Variants in CSMD3 observed in about 807,000 individuals in gnomAD.
CSMD3 encodes CUB and Sushi multiple domains 3.
In CSMD3, 177 loss-of-function variants were observed where a neutral mutation model predicts 435.2. The observed-to-expected ratio is 0.41, with a 90% CI of 0.36 to 0.46. The LOEUF (loss-of-function observed/expected upper bound fraction) is 0.46. Among genes scored for constraint, CSMD3 ranks in the 20% least tolerant of loss-of-function variants. The probability of loss-of-function intolerance (pLI) is 0.34; values close to 1 mark genes in which losing one functional copy is unlikely to be tolerated. For synonymous variants in CSMD3, 1,656 were observed against 1,520.5 expected (o/e 1.09, Z -2.07); for missense variants, 4,265 against 4,504.6 (o/e 0.95, Z 1.52).
At chr8:113,092,024 C>A (rs987728679) in intron 5 of CSMD3, among the ~76,000 whole-genome samples, 3 of 151,992 alleles carry the variant, frequency 2.0e-5, no homozygotes, top group Non-Finnish European at 4.4e-5. Context: ...CAATAAAGAT[C>A]ATACACTCTG....
chr8:112,763,577 T>C (rs1388672332), intron 13 of CSMD3, among the ~76,000 whole-genome samples: 6 of 147,672 alleles, frequency 4.1e-5, no homozygotes, highest in African/African-American at 1.5e-4. Context: ...ATCCAGATGC[T>C]AAAATAATGC....
intron 27 of CSMD3, among the ~76,000 whole-genome samples, chr8:112,525,477 A>G (rs914630814): frequency 1.3e-5 from 2 of 150,408 alleles, no homozygotes; most frequent in Non-Finnish European, 3.0e-5. Flanking sequence ...TCCCAGCACT[A>G]TGGTGGACCG....
chr8:112,478,447 AGGAAGTCATTG>A (rs1490600408), intron 31 of CSMD3, among the ~76,000 whole-genome samples: 2 of 152,208 alleles, frequency 1.3e-5, no homozygotes, highest in African/African-American at 4.8e-5. Flanking sequence ...GATGGAAATG[AGGAAGTCATTG>A]GGAATTGGAG....
At chr8:112,370,316 C>T (rs1828268539) in intron 38 of CSMD3, among the ~76,000 whole-genome samples, 1 of 152,122 alleles carries the variant, frequency 6.6e-6, no homozygotes, top group Non-Finnish European at 1.5e-5. Context: ...GTTTAATATT[C>T]ATGCACAGAG....
chr8:112,269,434 G>T (rs551843239), intron 59 of CSMD3, among the ~76,000 whole-genome samples: 35 of 152,258 alleles, frequency 2.3e-4, no homozygotes, highest in Non-Finnish European at 4.6e-4. Context: ...CCTTTTGGAC[G>T]CAGAAGTCCA....
chr8:112,486,856 C>T (rs938433608), intron 31 of CSMD3, among the ~76,000 whole-genome samples: 1 of 152,100 alleles, frequency 6.6e-6, no homozygotes, highest in Admixed American at 6.6e-5. Flanking sequence ...AGGGCAAGGA[C>T]AAGGTTGAAT....
intron 36 of CSMD3, among the ~76,000 whole-genome samples, chr8:112,385,614 T>C (rs1829870444): frequency 6.6e-6 from 1 of 152,080 alleles, no homozygotes; most frequent in South Asian, 2.1e-4. Context: ...TAAAAAACAA[T>C]GAGAGACTCA....
chr8:112,907,807 T>C (rs1277526553), intron 10 of CSMD3, among the ~76,000 whole-genome samples: 1 of 151,458 alleles, frequency 6.6e-6, no homozygotes, highest in South Asian at 2.1e-4. Flanking sequence ...CAATGAATTA[T>C]CTGCAGAATA....
chr8:112,934,485 C>A (rs2083215313), intron 9 of CSMD3, among the ~76,000 whole-genome samples: 1 of 152,096 alleles, frequency 6.6e-6, no homozygotes, highest in South Asian at 2.1e-4. Context: ...CAATATTATA[C>A]AACTATTAAT....
chr8:113,206,347 T>C (rs925654979), intron 3 of CSMD3, among the ~76,000 whole-genome samples: 1 of 152,208 alleles, frequency 6.6e-6, no homozygotes, highest in African/African-American at 2.4e-5. Flanking sequence ...TCCATTTAAT[T>C]TTCAATGTTT....
At chr8:112,554,887 G>A (rs896104981) in intron 25 of CSMD3, among the ~76,000 whole-genome samples, 2 of 151,862 alleles carry the variant, frequency 1.3e-5, no homozygotes, top group African/African-American at 4.8e-5. Context: ...ATTTGACTGA[G>A]GCTAAAACAT....
intron 41 of CSMD3, among the ~76,000 whole-genome samples, chr8:112,345,625 G>C (rs1350273270): frequency 6.6e-6 from 1 of 152,046 alleles, no homozygotes; most frequent in Non-Finnish European, 1.5e-5. Context: ...CAAAATTTCA[G>C]TTACACAAAA....
At chr8:112,909,150 C>T (rs898074121) in intron 10 of CSMD3, among the ~76,000 whole-genome samples, 10 of 151,164 alleles carry the variant, frequency 6.6e-5, no homozygotes, top group Admixed American at 2.0e-4. Context: ...CTTGTAAATC[C>T]TACTAAATAT....
intron 2 of CSMD3, among the ~76,000 whole-genome samples, chr8:113,307,346 T>C (rs1200868643): frequency 1.3e-5 from 2 of 152,116 alleles, no homozygotes; most frequent in Non-Finnish European, 1.5e-5. Flanking sequence ...TTCACTTTAA[T>C]GCTTAAATAG....
chr8:113,333,128 T>A (rs1451883930), intron 1 of CSMD3, among the ~76,000 whole-genome samples: 2 of 151,760 alleles, frequency 1.3e-5, no homozygotes, highest in African/African-American at 4.8e-5. Context: ...AATTGGATCA[T>A]TAAATTTTTT....
At chr8:113,114,766 C>A (rs923739759) in intron 4 of CSMD3, among the ~76,000 whole-genome samples, 1 of 152,150 alleles carries the variant, frequency 6.6e-6, no homozygotes, top group Non-Finnish European at 1.5e-5. Flanking sequence ...CTAGGTGTTT[C>A]TGATGGCAGC....
chr8:113,043,606 T>G (rs1243286894), intron 5 of CSMD3, among the ~76,000 whole-genome samples: 1 of 152,152 alleles, frequency 6.6e-6, no homozygotes, highest in Non-Finnish European at 1.5e-5. Flanking sequence ...GAATTATTCT[T>G]GAAAAATGTT....
chr8:112,772,742 G>C (rs1233158331), intron 13 of CSMD3, among the ~76,000 whole-genome samples: 1 of 152,072 alleles, frequency 6.6e-6, no homozygotes, highest in African/African-American at 2.4e-5. Flanking sequence ...TACTGAGATA[G>C]GGGAAAACCG....
intron 57 of CSMD3, among the ~76,000 whole-genome samples, chr8:112,288,788 A>T (rs1819478982): frequency 1.3e-5 from 2 of 152,146 alleles, no homozygotes; most frequent in South Asian, 4.1e-4. Flanking sequence ...TAATTAAAAT[A>T]TCTTTAATAC....
Sources: allele counts gnomAD v4.1 joint callset (sites outside exome capture counted in the v4.1 genomes callset), GRCh38; gene constraint gnomAD v4.1.1; transcripts MANE v1.5; gene names NCBI Gene and HGNC (gene_info 2026-07-23, HGNC 2026-07-21).